ITGA1: variants seen among roughly 807,000 people sequenced by gnomAD.
The protein encoded by ITGA1 is integrin alpha-1.
ITGA1 carries 85 observed loss-of-function variants against 145.9 expected under a neutral mutation model. That is an observed-to-expected ratio of 0.58 (90% CI 0.49 to 0.70). The LOEUF (loss-of-function observed/expected upper bound fraction) is 0.70, where lower values mean the gene tolerates loss of function less well. ITGA1 is among the 30% of genes least tolerant of loss of function. The pLI is 0.00. For synonymous variants in ITGA1, 520 were observed against 495.3 expected, an observed-to-expected ratio of 1.05 and a Z score of -0.66; for missense variants, 1,351 against 1,418.7, an observed-to-expected ratio of 0.95 and a Z score of 0.77.
chr5:52,905,430 T>C (rs955463517), intron 11 of ITGA1: 28 of 175,796 alleles, frequency 1.6e-4, no homozygotes, highest in African/African-American at 6.4e-4. Flanking sequence ...CAGACACATA[T>C]ATCCAAATGA....
chr5:52,934,782 T>C (rs1459537639), intron 23 of ITGA1, among the ~76,000 whole-genome samples: 1 of 151,968 alleles, frequency 6.6e-6, no homozygotes, highest in East Asian at 1.9e-4. Context: ...CCTCAATCCT[T>C]TTGGGAATTG....
chr5:52,883,616 C>T (rs187420003), intron 7 of ITGA1, among the ~76,000 whole-genome samples: 1 of 152,078 alleles, frequency 6.6e-6, no homozygotes, highest in East Asian at 1.9e-4. Flanking sequence ...TCAGTAAATC[C>T]CAGTTCAAAG....
intron 1 of ITGA1, among the ~76,000 whole-genome samples, chr5:52,833,741 A>C (rs1485395288): frequency 3.3e-5 from 5 of 152,164 alleles, no homozygotes; most frequent in Non-Finnish European, 7.4e-5. Flanking sequence ...AAGCAAATTG[A>C]AGTTGTTCTG....
At chr5:52,803,302 A>C (rs1222399419) in intron 1 of ITGA1, 1 of 149,108 alleles carries the variant, frequency 6.7e-6, no homozygotes, top group East Asian at 2.0e-4. Flanking sequence ...AGTAATTGAG[A>C]TTGTCATTTC....
chr5:52,875,713 G>A (rs773166988), intron 6 of ITGA1, among the ~76,000 whole-genome samples: 43 of 151,982 alleles, frequency 2.8e-4, no homozygotes, highest in Non-Finnish European at 4.1e-4. Flanking sequence ...CATTTAACCC[G>A]GTTGCACCTT....
chr5:52,917,118 A>ACGTTTGGAAGC (rs1322187912), intron 15 of ITGA1, among the ~76,000 whole-genome samples: 1 of 152,212 alleles, frequency 6.6e-6, no homozygotes, highest in African/African-American at 2.4e-5. Flanking sequence ...TTTGGAAGCA[A>ACGTTTGGAAGC]ATAGTGAGAG....
At chr5:52,888,263 G>C (rs575398418) in intron 8 of ITGA1, among the ~76,000 whole-genome samples, 34 of 151,458 alleles carry the variant, frequency 2.2e-4, no homozygotes, top group Admixed American at 1.4e-3. Context: ...GGAAGGAAGG[G>C]TGAGAAAAAG....
intron 1 of ITGA1, among the ~76,000 whole-genome samples, chr5:52,809,639 G>T (rs187240207): frequency 6.5e-4 from 98 of 151,896 alleles, no homozygotes; most frequent in Non-Finnish European, 3.2e-4. Context: ...CCAGTAGCTG[G>T]GGATTACAGG....
chr5:52,876,565 C>G (rs537882915), intron 6 of ITGA1, among the ~76,000 whole-genome samples: 32 of 152,226 alleles, frequency 2.1e-4, no homozygotes, highest in African/African-American at 7.7e-4. Context: ...CTCTCTTTTT[C>G]TGCTTATCAT....
At chr5:52,868,039 T>A (rs1749715812) in intron 6 of ITGA1, among the ~76,000 whole-genome samples, 1 of 152,142 alleles carries the variant, frequency 6.6e-6, no homozygotes, top group Non-Finnish European at 1.5e-5. Flanking sequence ...ATACCTTAAA[T>A]GAAATGGCTT....
intron 20 of ITGA1, among the ~76,000 whole-genome samples, chr5:52,928,023 G>A (rs1197022507): frequency 1.3e-5 from 2 of 152,064 alleles, no homozygotes; most frequent in African/African-American, 4.8e-5. Flanking sequence ...ATGAGAACTG[G>A]GTGTTTCCAG....
intron 8 of ITGA1, 35 bp downstream of exon 8, chr5:52,888,000 A>C (rs1327105225): frequency 6.3e-7 from 1 of 1,596,774 alleles, no homozygotes; most frequent in East Asian, 2.2e-5. Flanking sequence ...TCAAACTCTT[A>C]GGTGTAGAGA....
At chr5:52,883,023 T>A (rs1749983218) in intron 7 of ITGA1, 1 of 152,186 alleles carries the variant, frequency 6.6e-6, no homozygotes, top group Non-Finnish European at 1.5e-5. Flanking sequence ...TTTTGCCTCA[T>A]GAATATTAGA....
intron 12 of ITGA1, among the ~76,000 whole-genome samples, chr5:52,906,537 A>T (rs1044252216): frequency 1.3e-5 from 2 of 152,246 alleles, no homozygotes; most frequent in African/African-American, 2.4e-5. Context: ...TGAAAGAAAC[A>T]TCGTAAATAT....
intron 1 of ITGA1, among the ~76,000 whole-genome samples, chr5:52,829,371 GTAA>G (rs1749020601): frequency 6.6e-6 from 1 of 151,940 alleles, no homozygotes; most frequent in Non-Finnish European, 1.5e-5. Flanking sequence ...CCAAAAAAAA[GTAA>G]TAATGATAAT....
At chr5:52,849,955 A>C (rs559945303) in intron 2 of ITGA1, among the ~76,000 whole-genome samples, 2 of 151,710 alleles carry the variant, frequency 1.3e-5, no homozygotes, top group African/African-American at 4.8e-5. Flanking sequence ...GGTTTCTGGT[A>C]TCTACCTTCA....
intron 6 of ITGA1, among the ~76,000 whole-genome samples, chr5:52,878,909 GT>G: frequency 6.7e-6 from 1 of 149,340 alleles, no homozygotes; most frequent in Admixed American, 6.7e-5. Flanking sequence ...TGAGTTAAAT[GT>G]TTGCAAATAA....
At chr5:52,886,871 C>T (rs990724702) in intron 7 of ITGA1, among the ~76,000 whole-genome samples, 3 of 152,082 alleles carry the variant, frequency 2.0e-5, no homozygotes, top group African/African-American at 4.8e-5. Context: ...CTCCGCCTCC[C>T]GGGTTCACGC....
intron 14 of ITGA1, 67 bp downstream of exon 14, chr5:52,910,486 G>C: frequency 6.6e-7 from 1 of 1,504,958 alleles, no homozygotes; most frequent in Non-Finnish European, 9.1e-7. Flanking sequence ...GGCATTACCT[G>C]TCTAACTTCA....
Sources: allele counts gnomAD v4.1 joint callset (sites outside exome capture counted in the v4.1 genomes callset), GRCh38; gene constraint gnomAD v4.1.1; transcripts MANE v1.5; gene names NCBI Gene and HGNC (gene_info 2026-07-23, HGNC 2026-07-21).